Variants in SERPINB2 observed in about 807,000 individuals in gnomAD.
SERPINB2 encodes the protein plasminogen activator inhibitor 2.
Under a neutral mutation model 39.4 loss-of-function variants are expected in SERPINB2, and 28 were observed. The ratio of observed to expected loss-of-function variants is 0.71; its 90% confidence interval spans 0.53 to 0.97. SERPINB2 has a LOEUF of 0.97. Ranked by LOEUF, SERPINB2 falls within the 50% of genes least tolerant of loss-of-function variation. The probability of loss-of-function intolerance (pLI) is 0.00; values close to 1 mark genes in which losing one functional copy is unlikely to be tolerated. For synonymous variants in SERPINB2, 209 were observed against 175.1 expected, an observed-to-expected ratio of 1.19 and a Z score of -1.53; for missense variants, 557 against 505.3, an observed-to-expected ratio of 1.10 and a Z score of -0.98.
intron 2 of SERPINB2, among the ~76,000 whole-genome samples, chr18:63,892,464 A>G (rs1206867483): frequency 6.6e-6 from 1 of 152,222 alleles, no homozygotes. Flanking sequence ...GTTACTTCCA[A>G]GGTTAGTGAC....
chr18:63,901,511 C>T lies in SERPINB2; in HGVS notation c.536-229C>T, dbSNP rs184377917. Reference sequence around the variant, plus strand: ...AAATCTCCATTCCAAACTTGATAGGCGGTCTAAATTTTAAATGCATTATTT... The same window carrying T: ...AAATCTCCATTCCAAACTTGATAGGTGGTCTAAATTTTAAATGCATTATTT... On this transcript the variant is annotated intron_variant, in intron 5 of 7. Coordinates refer to ENST00000299502, the MANE Select transcript of SERPINB2 (RefSeq NM_002575.3). 2.1e-3 allele frequency among the ~76,000 whole-genome samples: 324 copies of T among 152,172 alleles called. 2 individuals carry two copies. Among genetic ancestry groups the T allele is most frequent in the African/African-American group, 7.4e-3 (307 of 41,532 alleles).
chr18:63,895,505 C>G (rs2049954066), intron 3 of SERPINB2, 122 bp downstream of exon 3: 1 of 1,248,132 alleles, frequency 8.0e-7, no homozygotes, highest in African/African-American at 1.5e-5. Context: ...AGAAAGAAAA[C>G]TAAGACTCAG....
chr18:63,898,028 G>T (rs141710617), intron 5 of SERPINB2, among the ~76,000 whole-genome samples, 184 bp downstream of exon 5: 1 of 152,148 alleles, frequency 6.6e-6, no homozygotes, highest in Non-Finnish European at 1.5e-5. Context: ...AATAATTGAG[G>T]CCTACTAATA....
At position 63,895,375 on chromosome 18, in the gene SERPINB2, A is replaced by G; in HGVS notation, c.280A>G (p.Ile94Val). 6.2e-7 allele frequency: 1 copy of G among 1,613,946 alleles called. No homozygotes were observed. Among genetic ancestry groups the G allele is most frequent in the Non-Finnish European group, 8.5e-7 (1 of 1,179,958 alleles). Residue 94 changes from isoleucine (I) to valine (V), a missense_variant, in exon 3 of 8, where the codon ATT becomes GTT. Transcript: ENST00000299502. ...CCAGAAGGGTAGTTATCCTGATGCG[A>G]TTTTGCAGGTATCTGACTTACTGGT... ...QIQKGSYPDA[I>V]LQAQAADKIH... is the part of the protein sequence containing the mutation.
intron 1 of SERPINB2, among the ~76,000 whole-genome samples, chr18:63,888,003 T>C (rs1236387448): frequency 6.6e-6 from 1 of 152,222 alleles, no homozygotes; most frequent in African/African-American, 2.4e-5. Flanking sequence ...AATACCTTTG[T>C]AGCATTAACC....
rs1599060001 is a variant in SERPINB2 at position 63,895,359 on chromosome 18, T to G, written c.264T>G (p.Gly88=). The G allele has an allele frequency of 6.2e-7, 1 of 1,614,032 alleles. No individual in the cohort carries two copies. Among genetic ancestry groups the G allele is most frequent in the East Asian group, 2.2e-5 (1 of 44,878 alleles). ...SCGFMQQIQK[G]SYPDAILQAQ... ...GGTTCATGCAGCAGATCCAGAAGGG[T>G]AGTTATCCTGATGCGATTTTGCAGG... The change falls in exon 3 of 8, where the codon GGT becomes GGG. Residue 88 remains glycine (G), a synonymous_variant. Transcript: ENST00000299502.
Position 63,895,319 on chromosome 18 carries a change from A to G in SERPINB2, c.224A>G (p.Asn75Ser), listed in dbSNP as rs771915183. Reference protein sequence around the residue: ...ANAVTPMTPENFTSCGFMQQI... With the variant: ...ANAVTPMTPESFTSCGFMQQI... ...GCAGTTACCCCCATGACTCCAGAGAACTTTACCAGCTGTGGGTTCATGCAG... is the reference window on the plus strand; with the variant it reads ...GCAGTTACCCCCATGACTCCAGAGAGCTTTACCAGCTGTGGGTTCATGCAG... The change falls in exon 3 of 8, where the codon AAC becomes AGC. Residue 75 changes from asparagine to serine, a missense_variant. Physicochemically the swap from Asn to Ser is conservative, Grantham distance 46. Transcript: ENST00000299502. 1 of 1,614,096 alleles carries G rather than the reference A, an allele frequency of 6.2e-7. No homozygotes were observed. Among genetic ancestry groups the G allele is most frequent in the Non-Finnish European group, 8.5e-7 (1 of 1,179,994 alleles).
intron 7 of SERPINB2, 112 bp from the exon 8 acceptor site, chr18:63,902,788 AC>A: frequency 8.2e-7 from 1 of 1,215,466 alleles, no homozygotes; most frequent in East Asian, 2.6e-5. Context: ...TTTCTATATC[AC>A]CCACAATATA....
chr18:63,890,185 T>C (rs1321019995), intron 1 of SERPINB2: 2 of 152,210 alleles, frequency 1.3e-5, no homozygotes, highest in Non-Finnish European at 2.9e-5. Context: ...GACATTTTAA[T>C]ACAAATAAAT....
chr18:63,899,766 A>C (rs1234364971), intron 5 of SERPINB2, among the ~76,000 whole-genome samples: 1 of 151,902 alleles, frequency 6.6e-6, no homozygotes, highest in Non-Finnish European at 1.5e-5. Context: ...TTTTCATTTA[A>C]CTCTTATGTT....
chr18:63,892,088 T>A (rs1445163026), intron 2 of SERPINB2, among the ~76,000 whole-genome samples: 1 of 150,024 alleles, frequency 6.7e-6, no homozygotes, highest in Admixed American at 6.6e-5. Flanking sequence ...TTCCTTCTAA[T>A]AATGTTAAGA....
chr18:63,902,355 C>A, intron 6 of SERPINB2, 49 bp from the exon 7 acceptor site: 1 of 1,464,002 alleles, frequency 6.8e-7, no homozygotes, highest in South Asian at 1.4e-5. Flanking sequence ...TTGTAAATCT[C>A]TTGATATCTT....
chr18:63,897,679 TGTTTG>T (rs1448209192), intron 4 of SERPINB2, 43 bp from the exon 5 acceptor site: 1 of 1,214,694 alleles, frequency 8.2e-7, no homozygotes, highest in Admixed American at 1.7e-5. Context: ...TGCCATGGCT[TGTTTG>T]GTATGTATTT....
In SERPINB2 at chr18:63,895,308, G is replaced by T; in HGVS notation, c.213G>T (p.Met71Ile). The T allele has an allele frequency of 6.2e-7, 1 of 1,614,100 alleles. No homozygotes were observed. The highest frequency in any genetic ancestry group is 8.5e-7 in the Non-Finnish European group (1 of 1,179,992). ...TGGGAGCCAATGCAGTTACCCCCAT[G>T]ACTCCAGAGAACTTTACCAGCTGTG... ...NEVGANAVTP[M>I]TPENFTSCGF... The change falls in exon 3 of 8, where the codon ATG (methionine) becomes ATT (isoleucine). Residue 71 changes from methionine to isoleucine, a missense_variant. Transcript: ENST00000299502.
rs527405738 is a variant in SERPINB2, at chr18:63,903,051, G to A, written c.994G>A (p.Ala332Thr). ...SILRSMGMED[A>T]FNKGRANFSG... ...TCTGAGAAGCATGGGCATGGAGGAC[G>A]CCTTCAACAAGGGACGGGCCAATTT... The change falls in exon 8 of 8, where the codon GCC (alanine) becomes ACC (threonine). Residue 332 changes from alanine to threonine, a missense_variant. Transcript: ENST00000299502. 12 of 1,613,752 alleles carry A rather than the reference G, an allele frequency of 7.4e-6. No homozygotes were observed. Among genetic ancestry groups the A allele is most frequent in the South Asian group, 1.1e-5 (1 of 91,080 alleles).
At chr18:63,894,948 C>T (rs2049949540) in intron 2 of SERPINB2, among the ~76,000 whole-genome samples, 1 of 151,362 alleles carries the variant, frequency 6.6e-6, no homozygotes, top group Non-Finnish European at 1.5e-5. Context: ...TTTTTCAAGA[C>T]CATTTATTGG....
At chr18:63,897,015 C>T in intron 3 of SERPINB2, 76 bp from the exon 4 acceptor site, 2 of 1,398,356 alleles carry the variant, frequency 1.4e-6, no homozygotes, top group Non-Finnish European at 1.9e-6. Context: ...TATTCAAAAA[C>T]TATTACCATG....
Position 63,890,292 on chromosome 18 carries a change from G to A in SERPINB2, c.-9-1144G>A, listed in dbSNP as rs114765360. ...CTTGTTGGAGAGCAATGCTGTGTGA[G>A]ACCACAGGTGTACACAGCCAAGACC... On this transcript the variant is annotated intron_variant, in intron 1 of 7. Coordinates refer to ENST00000299502, the MANE Select transcript of SERPINB2 (RefSeq NM_002575.3). Among the ~76,000 whole-genome samples, 70 of 152,302 alleles carry A rather than the reference G, an allele frequency of 4.6e-4. 1 individual carries two copies. Among genetic ancestry groups the A allele is most frequent in the African/African-American group, 1.6e-3 (67 of 41,568 alleles).
At chr18:63,898,524 C>G (rs2049974290) in intron 5 of SERPINB2, among the ~76,000 whole-genome samples, 1 of 152,112 alleles carries the variant, frequency 6.6e-6, no homozygotes, top group African/African-American at 2.4e-5. Context: ...AGTTCATTCA[C>G]TTAGTCAACA....
Sources: allele counts gnomAD v4.1 joint callset (sites outside exome capture counted in the v4.1 genomes callset), GRCh38; gene constraint gnomAD v4.1.1; transcripts MANE v1.5; gene names NCBI Gene and HGNC (gene_info 2026-07-23, HGNC 2026-07-21).